ARHGAP6: variants seen among roughly 807,000 people sequenced by gnomAD.
ARHGAP6 encodes rho GTPase-activating protein 6.
In ARHGAP6, 16 loss-of-function variants were observed where a neutral mutation model predicts 55.7. The observed-to-expected ratio is 0.29, with a 90% CI of 0.19 to 0.44. The LOEUF is 0.44. ARHGAP6 is among the 20% of genes least tolerant of loss of function. The pLI is 1.00. For missense variants in ARHGAP6, 698 were observed against 808.9 expected, an observed-to-expected ratio of 0.86 and a Z score of 1.66; for synonymous variants, 382 against 360.9, an observed-to-expected ratio of 1.06 and a Z score of -0.66.
chrX:11,304,802 T>G (rs1296781485), intron 1 of ARHGAP6, among the ~76,000 whole-genome samples: 2 of 90,026 alleles, frequency 2.2e-5, no homozygotes. Flanking sequence ...TTTTTTTTTT[T>G]TTTGAGATGG....
At chrX:11,287,728 A>G (rs1255825246) in intron 1 of ARHGAP6, among the ~76,000 whole-genome samples, 1 of 111,711 alleles carries the variant, frequency 9.0e-6, no homozygotes, top group African/African-American at 3.3e-5. Flanking sequence ...TCTTCCAATG[A>G]CTCAGCCCTG....
intron 1 of ARHGAP6, among the ~76,000 whole-genome samples, chrX:11,561,037 G>A (rs1021156180): frequency 5.4e-5 from 6 of 111,829 alleles, no homozygotes; most frequent in Middle Eastern, 4.6e-3. Flanking sequence ...ACATAGCTAC[G>A]TATAGTTTAT....
At chrX:11,541,162 G>T (rs970427507) in intron 1 of ARHGAP6, among the ~76,000 whole-genome samples, 2 of 112,268 alleles carry the variant, frequency 1.8e-5, no homozygotes, top group Non-Finnish European at 3.8e-5. Context: ...ACCACATAGG[G>T]CCACATGGGG....
At chrX:11,233,089 C>T (rs1427788445) in intron 2 of ARHGAP6, among the ~76,000 whole-genome samples, 5 of 112,368 alleles carry the variant, frequency 4.4e-5, no homozygotes, top group Non-Finnish European at 7.5e-5. Context: ...ACTTTATTGG[C>T]CTAATTCAAA....
intron 1 of ARHGAP6, among the ~76,000 whole-genome samples, chrX:11,312,137 G>C (rs1024836138): frequency 1.8e-5 from 2 of 111,821 alleles, no homozygotes; most frequent in African/African-American, 3.3e-5. Flanking sequence ...TTGATTTCAG[G>C]CCATAACTTG....
chrX:11,383,735 A>G (rs1464689465), intron 1 of ARHGAP6, among the ~76,000 whole-genome samples: 1 of 111,768 alleles, frequency 8.9e-6, no homozygotes, highest in African/African-American at 3.3e-5. Context: ...TCCACTTTCC[A>G]CTTCATGTAT....
chrX:11,157,008 T>C (rs1455854308), intron 9 of ARHGAP6, among the ~76,000 whole-genome samples: 4 of 112,595 alleles, frequency 3.6e-5, no homozygotes, highest in Admixed American at 9.4e-5. Context: ...TTTATAATTA[T>C]GCCAAGGCAG....
chrX:11,262,785 G>A (rs887505317), intron 1 of ARHGAP6, among the ~76,000 whole-genome samples: 1 of 111,494 alleles, frequency 9.0e-6, no homozygotes, highest in Non-Finnish European at 1.9e-5. Context: ...CACTGGCATG[G>A]TGGTGAAGAC....
intron 1 of ARHGAP6, among the ~76,000 whole-genome samples, chrX:11,542,993 A>G (rs1293209964): frequency 8.9e-6 from 1 of 112,005 alleles, no homozygotes; most frequent in African/African-American, 3.2e-5. Flanking sequence ...ACACTTTAGG[A>G]TGCAGAGTGG....
At chrX:11,519,000 T>C (rs1434860036) in intron 1 of ARHGAP6, among the ~76,000 whole-genome samples, 2 of 97,091 alleles carry the variant, frequency 2.1e-5, no homozygotes, top group East Asian at 6.9e-4. Flanking sequence ...TACCATGGTG[T>C]ATATGTGCCA....
intron 1 of ARHGAP6, among the ~76,000 whole-genome samples, chrX:11,407,888 C>A (rs1056093215): frequency 9.0e-6 from 1 of 110,980 alleles, no homozygotes; most frequent in African/African-American, 3.3e-5. Flanking sequence ...GAATGATATC[C>A]TATAGTCCAG....
chrX:11,548,659 A>G (rs1240613460), intron 1 of ARHGAP6, among the ~76,000 whole-genome samples: 1 of 110,849 alleles, frequency 9.0e-6, no homozygotes, highest in Non-Finnish European at 1.9e-5. Flanking sequence ...TCTAGGCTGT[A>G]GTGCAGCGAC....
chrX:11,657,187 T>C, intron 1 of ARHGAP6, among the ~76,000 whole-genome samples: 1 of 110,774 alleles, frequency 9.0e-6, no homozygotes, highest in Non-Finnish European at 1.9e-5. Flanking sequence ...ATCAAAGGTT[T>C]TCAATCAGGG....
At chrX:11,233,184 G>A (rs1288970302) in intron 2 of ARHGAP6, among the ~76,000 whole-genome samples, 1 of 112,265 alleles carries the variant, frequency 8.9e-6, no homozygotes, top group Non-Finnish European at 1.9e-5. Flanking sequence ...TAATTAACCA[G>A]TTAAATCTCT....
At chrX:11,300,338 G>A (rs1381266360) in intron 1 of ARHGAP6, among the ~76,000 whole-genome samples, 5 of 111,272 alleles carry the variant, frequency 4.5e-5, no homozygotes, top group Non-Finnish European at 3.8e-5. Flanking sequence ...CTTGGAGCCT[G>A]ACATGCAAGA....
At chrX:11,575,062 A>G (rs1190570543) in intron 1 of ARHGAP6, among the ~76,000 whole-genome samples, 2 of 112,065 alleles carry the variant, frequency 1.8e-5, no homozygotes, top group African/African-American at 6.5e-5. Context: ...CAGAGTTCAC[A>G]CTTCCTCACC....
chrX:11,139,408 T>C lies in ARHGAP6; in HGVS notation c.2380A>G (p.Thr794Ala), dbSNP rs1381209962. Residue 794 changes from threonine to alanine, a missense_variant, in exon 13 of 13, where the codon ACG (threonine) becomes GCG (alanine). Coordinates refer to ENST00000337414, the MANE Select transcript of ARHGAP6 (RefSeq NM_013427.3). The stretch of plus-strand genomic sequence containing the variant: ...GCCTGAGTCCTCCGAGCCCCCTGCG[T>C]GTCGCTGTCCAGCTCTGCGGGGCTC... ...QGSPAELDSDTQGARRTQAAA... is the reference protein window; with the variant it reads ...QGSPAELDSDAQGARRTQAAA... 1.7e-6 allele frequency: 2 copies of C among 1,188,762 alleles called. No homozygotes were observed. The highest frequency in any genetic ancestry group is 2.3e-6 in the Non-Finnish European group (2 of 886,518).
At chrX:11,430,993 T>C (rs1020230121) in intron 1 of ARHGAP6, among the ~76,000 whole-genome samples, 3 of 112,159 alleles carry the variant, frequency 2.7e-5, no homozygotes, top group African/African-American at 9.7e-5. Flanking sequence ...AAACTGTATA[T>C]TGACATGGCA....
intron 1 of ARHGAP6, among the ~76,000 whole-genome samples, chrX:11,660,692 A>C (rs1376207025): frequency 9.2e-6 from 1 of 108,997 alleles, no homozygotes; most frequent in African/African-American, 3.3e-5. Context: ...CAAACAAATT[A>C]TTGCGCTTAG....
Sources: gnomAD v4.1 joint callset for allele counts (sites outside exome capture counted in the v4.1 genomes callset) on GRCh38, gnomAD v4.1.1 for gene constraint, MANE v1.5 for transcripts, NCBI Gene and HGNC (gene_info 2026-07-23, HGNC 2026-07-21) for gene names.